TESK2: variants seen among roughly 807,000 people sequenced by gnomAD.
TESK2 encodes testis associated actin remodelling kinase 2.
In TESK2, 39 loss-of-function variants were observed where a neutral mutation model predicts 57.1. The observed-to-expected ratio is 0.68, with a 90% CI of 0.53 to 0.89. The LOEUF is 0.89. TESK2 is among the 40% of genes least tolerant of loss of function. The pLI is 0.00. For missense variants in TESK2, 646 were observed against 732.1 expected, an observed-to-expected ratio of 0.88 and a Z score of 1.36; for synonymous variants, 249 against 267.9, an observed-to-expected ratio of 0.93 and a Z score of 0.69.
rs1357413367 is a variant in TESK2 at position 45,432,908 on chromosome 1, C to A, written c.223-11062G>T. On this transcript the variant is annotated intron_variant, in intron 2 of 10. Coordinates refer to ENST00000372086, the MANE Select transcript of TESK2 (RefSeq NM_007170.3). ...CATCCTGAGTAGCTGGGACAACAGG[C>A]ACATGCCGCCACACCCAGCTAATTT... Among the ~76,000 whole-genome samples the A allele has an allele frequency of 2.7e-5, 4 of 150,008 alleles. No individual in the cohort carries two copies. In the East Asian group the frequency reaches 8.0e-4, roughly 30 times the overall value.
intron 4 of TESK2, among the ~76,000 whole-genome samples, chr1:45,381,551 T>G (rs1243924248): frequency 6.6e-6 from 1 of 152,164 alleles, no homozygotes; most frequent in Non-Finnish European, 1.5e-5. Context: ...CAGAGCAAAG[T>G]TCTCCCAGCA....
At chr1:45,433,885 T>C (rs1295594768) in intron 2 of TESK2, among the ~76,000 whole-genome samples, 2 of 152,214 alleles carry the variant, frequency 1.3e-5, no homozygotes, top group African/African-American at 4.8e-5. Context: ...GTGACCATAC[T>C]AATTTACATT....
At chr1:45,436,567 G>A (rs1476869772) in intron 2 of TESK2, among the ~76,000 whole-genome samples, 9 of 122,404 alleles carry the variant, frequency 7.4e-5, no homozygotes, top group South Asian at 2.9e-4. Flanking sequence ...TTGGCTCACC[G>A]CAACCTCCAC....
chr1:45,353,959 A>G (rs1379399744), intron 5 of TESK2, among the ~76,000 whole-genome samples: 3 of 152,212 alleles, frequency 2.0e-5, no homozygotes, highest in Admixed American at 6.5e-5. Context: ...TCAATCACAC[A>G]GGCAGAAAAT....
At chr1:45,463,058 T>A (rs774750559) in intron 1 of TESK2, among the ~76,000 whole-genome samples, 7 of 152,206 alleles carry the variant, frequency 4.6e-5, no homozygotes, top group Non-Finnish European at 8.8e-5. Context: ...GTTCAGATCT[T>A]TTGCCCATTT....
intron 3 of TESK2, among the ~76,000 whole-genome samples, chr1:45,387,228 G>T (rs1031012679): frequency 2.0e-5 from 3 of 152,020 alleles, no homozygotes. Context: ...CTTGATGCTG[G>T]TTTCAGCTCT....
At chr1:45,444,368 A>G (rs1275479240) in intron 2 of TESK2, among the ~76,000 whole-genome samples, 2 of 152,292 alleles carry the variant, frequency 1.3e-5, no homozygotes, top group African/African-American at 4.8e-5. Context: ...CCCATTGATA[A>G]TGTTTTCACC....
At chr1:45,401,429 T>C (rs1469963532) in intron 3 of TESK2, among the ~76,000 whole-genome samples, 1 of 151,208 alleles carries the variant, frequency 6.6e-6, no homozygotes, top group Non-Finnish European at 1.5e-5. Context: ...AAATAAATAA[T>C]AAAAATTAAA....
At chr1:45,377,751 G>A (rs531246140) in intron 4 of TESK2, among the ~76,000 whole-genome samples, 1 of 146,252 alleles carries the variant, frequency 6.8e-6, no homozygotes, top group Non-Finnish European at 1.5e-5. Context: ...ATAAGGGCCG[G>A]GCACAGTGGC....
At chr1:45,465,303 C>G (rs1260619729) in intron 1 of TESK2, among the ~76,000 whole-genome samples, 2 of 151,860 alleles carry the variant, frequency 1.3e-5, no homozygotes, top group Non-Finnish European at 2.9e-5. Flanking sequence ...CCCACCTACT[C>G]AGGAGGCTAA....
chr1:45,409,278 AG>A (rs1430899282), intron 3 of TESK2, among the ~76,000 whole-genome samples: 1 of 152,230 alleles, frequency 6.6e-6, no homozygotes, highest in Non-Finnish European at 1.5e-5. Flanking sequence ...CTAGTCAAAA[AG>A]ATTTCTTTGA....
intron 4 of TESK2, among the ~76,000 whole-genome samples, chr1:45,362,391 C>G (rs569511518): frequency 3.3e-5 from 5 of 152,318 alleles, no homozygotes; most frequent in African/African-American, 1.2e-4. Context: ...GTACCTCTCT[C>G]TGAGGTAAAT....
At chr1:45,387,532 A>G (rs1455447866) in intron 3 of TESK2, among the ~76,000 whole-genome samples, 1 of 152,054 alleles carries the variant, frequency 6.6e-6, no homozygotes, top group Non-Finnish European at 1.5e-5. Context: ...CACAGCAGTG[A>G]CTGTGTTAGA....
At chr1:45,487,575 T>G (rs1243670109) in intron 1 of TESK2, among the ~76,000 whole-genome samples, 1 of 152,248 alleles carries the variant, frequency 6.6e-6, no homozygotes, top group East Asian at 1.9e-4. Context: ...AACTCTGGGC[T>G]GTCCAATTAT....
intron 4 of TESK2, among the ~76,000 whole-genome samples, chr1:45,365,938 T>C (rs1033138913): frequency 2.0e-5 from 3 of 152,062 alleles, no homozygotes; most frequent in Admixed American, 6.6e-5. Context: ...CCTCCCAAAG[T>C]GCTGGGATTA....
intron 4 of TESK2, among the ~76,000 whole-genome samples, chr1:45,358,943 CA>C (rs891777173): frequency 2.0e-5 from 3 of 152,118 alleles, no homozygotes; most frequent in African/African-American, 7.2e-5. Flanking sequence ...CACAGGAGCT[CA>C]AAAATGAATT....
At chr1:45,490,009 T>C (rs1653653219) in intron 1 of TESK2, among the ~76,000 whole-genome samples, 1 of 152,200 alleles carries the variant, frequency 6.6e-6, no homozygotes, top group Non-Finnish European at 1.5e-5. Context: ...CAACTTTATT[T>C]TGAAACCTCT....
chr1:45,471,527 T>C lies in TESK2; in HGVS notation c.-86-13656A>G, dbSNP rs184335606. On this transcript the variant is annotated intron_variant, in intron 1 of 10. Transcript: ENST00000372086. ...TTCAAGCGATTCTCCTGCCTCCACC[T>C]CCCGAGTGGCTGGGACTACAGGCAC... 2.0e-3 allele frequency among the ~76,000 whole-genome samples: 308 copies of C among 151,660 alleles called. 2 individuals are homozygous for C. The highest frequency in any genetic ancestry group is 7.3e-3 in the African/African-American group (300 of 41,362).
intron 2 of TESK2, among the ~76,000 whole-genome samples, chr1:45,453,147 C>T (rs754504581): frequency 1.1e-4 from 16 of 151,798 alleles, no homozygotes; most frequent in Non-Finnish European, 1.6e-4. Context: ...AGGAGTTCAA[C>T]ACCAGCCTTA....
Sources: allele counts gnomAD v4.1 joint callset (sites outside exome capture counted in the v4.1 genomes callset), GRCh38; gene constraint gnomAD v4.1.1; transcripts MANE v1.5; gene names NCBI Gene and HGNC (gene_info 2026-07-23, HGNC 2026-07-21).